Variants in SOX6 observed in about 807,000 individuals in gnomAD.
SOX6 encodes SRY-box transcription factor 6, also known as transcription factor SOX-6.
A neutral mutation model predicts 97.8 loss-of-function variants in SOX6; 11 were observed. The ratio of observed to expected loss-of-function variants is 0.11; its 90% CI spans 0.07 to 0.19. SOX6 has a LOEUF of 0.19. Ranked by LOEUF, SOX6 falls within the 10% of genes least tolerant of loss-of-function variation. SOX6 has a pLI of 1.00. For synonymous variants in SOX6, 360 were observed against 371.4 expected (o/e 0.97, Z 0.35); for missense variants, 810 against 1,039.5 (o/e 0.78, Z 3.04).
chr11:16,052,549 A>G lies in SOX6; in HGVS notation c.1252-2611T>C, dbSNP rs568392579. Among the ~76,000 whole-genome samples, 11 of 152,150 alleles carry G rather than the reference A, an allele frequency of 7.2e-5. No homozygotes were observed. The East Asian group carries it at 2.1e-3, about 29-fold the overall frequency. ...AGTTGTTTTTACTTTCTTATCTACT[A>G]ATTCTATCATCTGTGTCATTTTGGG... On this transcript the variant is annotated intron_variant, in intron 10 of 15. Transcript: ENST00000683767.
intron 12 of SOX6, among the ~76,000 whole-genome samples, chr11:16,036,082 T>A (rs2133892000): frequency 6.6e-6 from 1 of 151,068 alleles, no homozygotes; most frequent in African/African-American, 2.4e-5. Context: ...TCAACTCTTT[T>A]TTTTTTTTTT....
intron 9 of SOX6, among the ~76,000 whole-genome samples, chr11:16,095,203 A>T (rs1348183249): frequency 6.6e-6 from 1 of 151,940 alleles, no homozygotes; most frequent in East Asian, 1.9e-4. Context: ...TAAAAAATTC[A>T]ACAGATAGCT....
At chr11:15,995,454 G>C (rs1472002355) in intron 13 of SOX6, among the ~76,000 whole-genome samples, 1 of 152,114 alleles carries the variant, frequency 6.6e-6, no homozygotes, top group Non-Finnish European at 1.5e-5. Context: ...TTCAGAGGAA[G>C]ATAATAGAAT....
intron 1 of SOX6, among the ~76,000 whole-genome samples, chr11:16,430,246 C>T (rs1364273597): frequency 1.3e-5 from 2 of 152,136 alleles, no homozygotes; most frequent in African/African-American, 2.4e-5. Flanking sequence ...GTTTCAATCC[C>T]TACTTCCTCA....
chr11:16,635,889 CAAG>C (rs2133999408), intron 3 of SOX6, among the ~76,000 whole-genome samples: 1 of 152,294 alleles, frequency 6.6e-6, no homozygotes, highest in East Asian at 1.9e-4. Context: ...TGTGCAGAAA[CAAG>C]AATTGAGGTT....
intron 3 of SOX6, among the ~76,000 whole-genome samples, chr11:16,240,510 C>A (rs1853162190): frequency 6.6e-6 from 1 of 151,824 alleles, no homozygotes; most frequent in African/African-American, 2.4e-5. Context: ...CATAGGCATT[C>A]CTTAAAACCA....
chr11:16,457,603 A>G lies in SOX6; in HGVS notation c.-5+18712T>C, dbSNP rs370624808. Among the ~76,000 whole-genome samples the G allele has an allele frequency of 5.6e-4, 85 of 152,232 alleles. 1 individual carries two copies. In the South Asian group the frequency reaches 0.014, roughly 25 times the overall value. On this transcript the variant is annotated intron_variant, in intron 1 of 15. Coordinates refer to the SOX6 transcript ENST00000396356. The stretch of plus-strand genomic sequence containing the variant: ...ACGTAATTTGATCAGAGTTGCATCA[A>G]GTGAAGCCCTAGTGTATTCAACTCC...
At chr11:16,262,235 C>T (rs1050124253) in intron 3 of SOX6, among the ~76,000 whole-genome samples, 3 of 152,030 alleles carry the variant, frequency 2.0e-5, no homozygotes, top group Non-Finnish European at 2.9e-5. Context: ...TACTAAATGG[C>T]AAGTCAAGCA....
chr11:16,429,636 T>G (rs1859228574), intron 1 of SOX6, among the ~76,000 whole-genome samples: 1 of 151,896 alleles, frequency 6.6e-6, no homozygotes. Context: ...TGAAAACACA[T>G]GGACACATAG....
At chr11:16,716,048 A>T (rs1302258833) in intron 2 of SOX6, among the ~76,000 whole-genome samples, 2 of 152,200 alleles carry the variant, frequency 1.3e-5, no homozygotes, top group African/African-American at 4.8e-5. Flanking sequence ...CAGCCTGGCC[A>T]ACATGGTGAA....
upstream of SOX6, among the ~76,000 whole-genome samples, chr11:16,477,200 T>A (rs1452459552): frequency 6.6e-6 from 1 of 152,168 alleles, no homozygotes; most frequent in African/African-American, 2.4e-5. Flanking sequence ...AGTAGTCAAC[T>A]AAAAATAATA....
At chr11:16,234,185 C>T (rs762848613) in intron 4 of SOX6, among the ~76,000 whole-genome samples, 1 of 152,036 alleles carries the variant, frequency 6.6e-6, no homozygotes, top group Non-Finnish European at 1.5e-5. Flanking sequence ...AAAGGTGCTA[C>T]AGGCAACCCA....
intron 4 of SOX6, among the ~76,000 whole-genome samples, chr11:16,485,754 C>T (rs1400831970): frequency 6.7e-6 from 1 of 149,760 alleles, no homozygotes; most frequent in Non-Finnish European, 1.5e-5. Flanking sequence ...ATTAGCCAGG[C>T]ATGGTGGCAC....
At chr11:16,380,436 T>C (rs947755714) in intron 1 of SOX6, among the ~76,000 whole-genome samples, 1 of 152,048 alleles carries the variant, frequency 6.6e-6, no homozygotes, top group Admixed American at 6.6e-5. Flanking sequence ...CTTTTTCCAA[T>C]AACCATAGTT....
At chr11:16,715,676 AC>A (rs1479770397) in intron 2 of SOX6, among the ~76,000 whole-genome samples, 1 of 152,138 alleles carries the variant, frequency 6.6e-6, no homozygotes, top group African/African-American at 2.4e-5. Flanking sequence ...AGCAAAAAGT[AC>A]TATATATTCA....
At chr11:16,153,948 G>C (rs1850528272) in intron 6 of SOX6, among the ~76,000 whole-genome samples, 1 of 152,070 alleles carries the variant, frequency 6.6e-6, no homozygotes, top group Admixed American at 6.6e-5. Context: ...ATAATTCTAA[G>C]TTCTACTTTT....
At chr11:16,723,164 T>C (rs916208012) in intron 2 of SOX6, among the ~76,000 whole-genome samples, 1 of 152,224 alleles carries the variant, frequency 6.6e-6, no homozygotes, top group Non-Finnish European at 1.5e-5. Flanking sequence ...GATGAGATCA[T>C]GTCTTCTGCA....
At chr11:16,030,535 A>G (rs1053459931) in intron 12 of SOX6, among the ~76,000 whole-genome samples, 1 of 152,318 alleles carries the variant, frequency 6.6e-6, no homozygotes, top group African/African-American at 2.4e-5. Context: ...GAAAATTTCT[A>G]GCTCATTAAA....
intron 4 of SOX6, among the ~76,000 whole-genome samples, chr11:16,577,362 T>C (rs1847993585): frequency 6.6e-6 from 1 of 152,318 alleles, no homozygotes; most frequent in African/African-American, 2.4e-5. Flanking sequence ...CTTTCTTCAT[T>C]TTCCTTCTTT....
Sources: allele counts gnomAD v4.1 joint callset (sites outside exome capture counted in the v4.1 genomes callset), GRCh38; gene constraint gnomAD v4.1.1; transcripts MANE v1.5; gene names NCBI Gene and HGNC (gene_info 2026-07-23, HGNC 2026-07-21).